Variants in PCK1 observed in about 807,000 individuals in gnomAD.
PCK1 encodes the protein phosphoenolpyruvate carboxykinase, cytosolic [GTP].
In PCK1, 44 loss-of-function variants were observed where a neutral mutation model predicts 50.3. The observed-to-expected ratio is 0.87, with a 90% CI of 0.69 to 1.12. PCK1 has a LOEUF of 1.12. Ranked by LOEUF, PCK1 falls within the 50% of genes most tolerant of loss-of-function variation. PCK1 has a pLI of 0.00. For synonymous variants in PCK1, 332 were observed against 314.3 expected (o/e 1.06, Z -0.59); for missense variants, 790 against 815.0 (o/e 0.97, Z 0.37).
At chr20:57,564,694 G>A in intron 8 of PCK1, 81 bp downstream of exon 8, 1 of 1,286,502 alleles carries the variant, frequency 7.8e-7, no homozygotes, top group South Asian at 1.4e-5. Flanking sequence ...CCTTTTCCAT[G>A]ACCTTGTCAG....
chr20:57,565,112 C>T lies in PCK1; in HGVS notation c.1391C>T (p.Ala464Val), dbSNP rs1485583612. ...GTGGGGGCGGCCATGAGATCAGAGG[C>T]CACAGCGGCTGCAGAACATAAAGGT... Reference protein sequence around the residue: ...VFVGAAMRSEATAAAEHKGKI... With the variant: ...VFVGAAMRSEVTAAAEHKGKI... The change falls in exon 9 of 10, where the codon GCC (alanine) becomes GTC (valine). Residue 464 changes from alanine (A) to valine (V), a missense_variant. By Grantham distance (64) the Ala-to-Val change is moderately conservative. Coordinates refer to ENST00000319441, the MANE Select transcript of PCK1 (RefSeq NM_002591.4). 8.1e-6 allele frequency: 13 copies of T among 1,613,724 alleles called. No homozygotes were observed. Among genetic ancestry groups the T allele is most frequent in the South Asian group, 1.1e-5 (1 of 91,056 alleles).
intron 2 of PCK1, 109 bp from the exon 3 acceptor site, chr20:57,561,962 C>T (rs2070148241): frequency 4.9e-6 from 4 of 816,812 alleles, no homozygotes; most frequent in Non-Finnish European, 8.0e-6. Flanking sequence ...CACTGATGGA[C>T]TGTTGTTAGC....
intron 3 of PCK1, 122 bp from the exon 4 acceptor site, chr20:57,562,574 C>A (rs530617959): frequency 3.8e-6 from 3 of 785,112 alleles, no homozygotes; most frequent in Non-Finnish European, 6.3e-6. Flanking sequence ...GGGCTGGTGA[C>A]CAGCAGGGTG....
rs769973857 is a variant in PCK1 at position 57,565,440 on chromosome 20, A to G, written c.1505A>G (p.Gln502Arg). 6.2e-7 allele frequency: 1 copy of G among 1,614,188 alleles called. No homozygotes were observed. The highest frequency in any genetic ancestry group is 8.5e-7 in the Non-Finnish European group (1 of 1,180,004). The change falls in exon 10 of 10, where the codon CAG (glutamine) becomes CGG (arginine). Residue 502 changes from glutamine to arginine, a missense_variant. By Grantham distance (43) the Gln-to-Arg change is conservative. Transcript: ENST00000319441. ...CTGGCCCACTGGCTTAGCATGGCCC[A>G]GCACCCAGCAGCCAAACTGCCCAAG... is the stretch of plus-strand genomic sequence containing the variant. ...KYLAHWLSMA[Q>R]HPAAKLPKIF...
rs143220447 is a variant in PCK1, at chr20:57,562,703, C to A, written c.414C>A (p.Thr138=). The change falls in exon 4 of 10, where the codon ACC becomes ACA. Residue 138 remains threonine, a synonymous_variant. Coordinates refer to ENST00000319441, the MANE Select transcript of PCK1 (RefSeq NM_002591.4). Reference sequence around the variant, plus strand: ...ACCCATCGCACCCTGTAGGTCGCACCATGTACGTCATCCCATTCAGCATGG... The same window carrying A: ...ACCCATCGCACCCTGTAGGTCGCACAATGTACGTCATCCCATTCAGCATGG... ...ARFPGCMKGR[T]MYVIPFSMGP... is the part of the protein sequence containing the mutation. The A allele has an allele frequency of 2.4e-4, 388 of 1,613,480 alleles. 2 individuals are homozygous for A. Among genetic ancestry groups the A allele is most frequent in the Admixed American group, 3.7e-4 (22 of 59,992 alleles).
At position 57,562,885 on chromosome 20, in the gene PCK1, C is replaced by T. The variant is rs2070162266; in HGVS notation, c.596C>T (p.Pro199Leu). The T allele has an allele frequency of 6.2e-7, 1 of 1,610,444 alleles. No individual in the cohort carries two copies. Among genetic ancestry groups the T allele is most frequent in the Non-Finnish European group, 8.5e-7 (1 of 1,176,658 alleles). Residue 199 changes from proline to leucine, a missense_variant, in exon 4 of 10, where the codon CCT becomes CTT. Pro to Leu is a moderately conservative substitution (Grantham distance 98). Transcript: ENST00000319441. ...AAATGCCTCCATTCTGTGGGGTGCC[C>T]TCTGCCTTTACAAAGTAAGTGTATT... ...FVKCLHSVGC[P>L]LPLQKPLVNN...
Position 57,567,383 on chromosome 20 carries a change from G to A in PCK1, c.*1579G>A, listed in dbSNP as rs187102253. On this transcript the variant is annotated 3_prime_UTR_variant, in exon 10 of 10. Coordinates refer to ENST00000319441, the MANE Select transcript of PCK1 (RefSeq NM_002591.4). ...TGAGGTCAAGCTAGGAGCGTCCAGC[G>A]GGGCTGAGAAATTGCCAGGATTTCC... The A allele has an allele frequency of 1.9e-4, 29 of 152,216 alleles. No individual in the cohort carries two copies. Among genetic ancestry groups the A allele is most frequent in the African/African-American group, 6.5e-4 (27 of 41,436 alleles). The allele number at this position is 152,216 out of a possible 1,614,324, so 9.4% of individuals were successfully genotyped here.
chr20:57,561,722 A>C (rs1372538514), intron 2 of PCK1, 87 bp downstream of exon 2: 2 of 887,138 alleles, frequency 2.3e-6, no homozygotes, highest in Non-Finnish European at 1.8e-6. Flanking sequence ...AAGGTGAATG[A>C]AGGCCTTCGG....
chr20:57,561,268 G>T, intron 1 of PCK1, 65 bp downstream of exon 1: 1 of 608,560 alleles, frequency 1.6e-6, no homozygotes, highest in Non-Finnish European at 2.9e-6. Flanking sequence ...TTTCCTGAGA[G>T]CAATAACTAT....
In PCK1 at chr20:57,562,763, C is replaced by G. The variant is rs764002893; in HGVS notation, c.474C>G (p.Ile158Met). 6.2e-7 allele frequency: 1 copy of G among 1,614,106 alleles called. No individual in the cohort carries two copies. Among genetic ancestry groups the G allele is most frequent in the Non-Finnish European group, 8.5e-7 (1 of 1,179,948 alleles). Residue 158 changes from isoleucine to methionine, a missense_variant, in exon 4 of 10, where the codon ATC becomes ATG. Transcript: ENST00000319441. ...PLGSPLSKIGIELTDSPYVVA... is the reference protein window; with the variant it reads ...PLGSPLSKIGMELTDSPYVVA... ...GCTCGCCTCTGTCAAAGATCGGCAT[C>G]GAGCTGACGGATTCACCCTACGTGG...
At chr20:57,563,313 G>T in intron 5 of PCK1, 98 bp downstream of exon 5, 1 of 1,161,114 alleles carries the variant, frequency 8.6e-7, no homozygotes. Context: ...ACCTCTCTGA[G>T]CGTGCAGGTT....
At chr20:57,562,960 A>T in intron 4 of PCK1, 61 bp downstream of exon 4, 1 of 1,574,998 alleles carries the variant, frequency 6.3e-7, no homozygotes, top group Non-Finnish European at 8.7e-7. Context: ...CGCAAACCCC[A>T]GTGAGTGCCT....
At chr20:57,562,641 C>T (rs980048062) in intron 3 of PCK1, 55 bp from the exon 4 acceptor site, 62 of 1,456,692 alleles carry the variant, frequency 4.3e-5, no homozygotes, top group Non-Finnish European at 5.3e-5. Context: ...AAATGCTGGT[C>T]GTGTTCGAAG....
chr20:57,565,290 T>C (rs974799500), intron 9 of PCK1, 60 bp from the exon 10 acceptor site: 1 of 1,411,148 alleles, frequency 7.1e-7, no homozygotes, highest in African/African-American at 1.4e-5. Context: ...CAACAATCAA[T>C]GGCGTCAGTC....
intron 5 of PCK1, 78 bp downstream of exon 5, chr20:57,563,293 C>T: frequency 1.5e-6 from 2 of 1,313,648 alleles, no homozygotes; most frequent in East Asian, 2.3e-5. Flanking sequence ...CAGTTCCCAC[C>T]CGTCAGCACA....
In PCK1 at chr20:57,564,316, G is replaced by A; in HGVS notation, c.1109G>A (p.Trp370Ter). ...VAETSDGGVYWEGIDEPLASG... is the reference protein window; with the variant it reads ...VAETSDGGVY ...GAGACCAGCGACGGGGGCGTTTACTGGGAAGGCATTGATGAGCCGCTAGCT... is the reference window on the plus strand; with the variant it reads ...GAGACCAGCGACGGGGGCGTTTACTAGGAAGGCATTGATGAGCCGCTAGCT... The change falls in exon 7 of 10, where the codon TGG (tryptophan) becomes TAG (stop). Residue 370 changes from tryptophan to a stop codon, truncating the protein, a stop_gained. Transcript: ENST00000319441. LOFTEE classifies it high-confidence loss of function. 1 of 1,614,120 alleles carries A rather than the reference G, an allele frequency of 6.2e-7. No individual in the cohort carries two copies. Among genetic ancestry groups the A allele is most frequent in the Non-Finnish European group, 8.5e-7 (1 of 1,180,026 alleles).
Position 57,562,746 on chromosome 20 carries a change from C to T in PCK1, c.457C>T (p.Leu153=). Residue 153 remains leucine, a synonymous_variant, in exon 4 of 10, where the codon CTG becomes TTG. Transcript: ENST00000319441. ...CAGCATGGGGCCGCTGGGCTCGCCT[C>T]TGTCAAAGATCGGCATCGAGCTGAC... is the stretch of plus-strand genomic sequence containing the variant. ...PFSMGPLGSP[L]SKIGIELTDS... 6.2e-7 allele frequency: 1 copy of T among 1,614,090 alleles called. No homozygotes were observed.
At chr20:57,564,762 C>A in intron 8 of PCK1, 149 bp downstream of exon 8, 1 of 744,328 alleles carries the variant, frequency 1.3e-6, no homozygotes, top group South Asian at 1.8e-5. Context: ...GAATAATTGG[C>A]AAGTTCAAAT....
intron 5 of PCK1, 159 bp downstream of exon 5, chr20:57,563,374 A>G (rs2146528567): frequency 8.3e-6 from 6 of 725,200 alleles, no homozygotes; most frequent in Middle Eastern, 3.9e-4. Flanking sequence ...ACACATATAC[A>G]TCGCTTTTGA....
Sources: allele counts gnomAD v4.1 joint callset, GRCh38; gene constraint gnomAD v4.1.1; transcripts MANE v1.5; gene names NCBI Gene and HGNC (gene_info 2026-07-23, HGNC 2026-07-21).